The following ENTREP2 variants were observed in gnomAD, a reference collection of about 807,000 sequenced individuals.
ENTREP2 encodes the protein endosomal transmembrane epsin interactor 2.
At chr15:29,467,735 C>G in the ENTREP2 span, among the ~76,000 whole-genome samples, 1 of 152,206 alleles carries the variant, frequency 6.6e-6, no homozygotes, top group African/African-American at 2.4e-5. Context: ...CCAATTAAGA[C>G]CATCTATGGC....
chr15:29,472,963 C>G, the ENTREP2 span, among the ~76,000 whole-genome samples: 1 of 151,982 alleles, frequency 6.6e-6, no homozygotes, highest in African/African-American at 2.4e-5. Context: ...ACTGGCTGGT[C>G]AGTACACTCA....
the ENTREP2 span, among the ~76,000 whole-genome samples, chr15:29,424,574 A>G: frequency 6.6e-6 from 1 of 152,168 alleles, no homozygotes; most frequent in African/African-American, 2.4e-5. Context: ...AAGAGAAGGT[A>G]AAGGCTGTCT....
chr15:29,124,094 C>A, the ENTREP2 span, among the ~76,000 whole-genome samples: 131 of 152,198 alleles, frequency 8.6e-4, no homozygotes, highest in African/African-American at 3.1e-3. Context: ...CCGCCCCCCC[C>A]ATCATGCCAG....
At chr15:29,151,133 T>G in the ENTREP2 span, among the ~76,000 whole-genome samples, 42,527 of 152,130 alleles carry the variant, frequency 0.28, 6,766 homozygotes, top group Non-Finnish European at 0.36. Flanking sequence ...TGTGTATTTA[T>G]AAATGTGTAT....
At chr15:29,551,914 T>C in the ENTREP2 span, among the ~76,000 whole-genome samples, 1 of 152,078 alleles carries the variant, frequency 6.6e-6, no homozygotes, top group Non-Finnish European at 1.5e-5. Flanking sequence ...AGAGAATAAG[T>C]AGCATTTTCC....
chr15:29,124,343 T>A, the ENTREP2 span, among the ~76,000 whole-genome samples: 8 of 152,200 alleles, frequency 5.3e-5, no homozygotes, highest in Admixed American at 2.6e-4. Context: ...AGTTGGAACA[T>A]TCTGGGTCGT....
At chr15:29,269,510 G>A in the ENTREP2 span, 4 of 1,598,714 alleles carry the variant, frequency 2.5e-6, no homozygotes, top group South Asian at 3.3e-5. Flanking sequence ...CGGGCGCCCT[G>A]AGGCGAGGGG....
At chr15:29,607,351 A>G in the ENTREP2 span, among the ~76,000 whole-genome samples, 5 of 138,204 alleles carry the variant, frequency 3.6e-5, no homozygotes, top group Non-Finnish European at 6.2e-5. Context: ...CTCTCGAGGC[A>G]TTACCCTTGT....
chr15:29,128,005 G>T, the ENTREP2 span, among the ~76,000 whole-genome samples: 1 of 152,162 alleles, frequency 6.6e-6, no homozygotes, highest in Non-Finnish European at 1.5e-5. Context: ...TACAACCCCC[G>T]GTGGCCTCAG....
chr15:29,174,706 AC>A, the ENTREP2 span, among the ~76,000 whole-genome samples: 1,106 of 138,000 alleles, frequency 8.0e-3, 37 homozygotes, highest in African/African-American at 0.026. Flanking sequence ...ACAAAACAAA[AC>A]AACAAAAAAA....
the ENTREP2 span, among the ~76,000 whole-genome samples, chr15:29,467,411 T>TG: frequency 6.6e-6 from 1 of 152,280 alleles, no homozygotes; most frequent in South Asian, 2.1e-4. Flanking sequence ...AGGCAGAACA[T>TG]GCCTGTTCCC....
chr15:29,148,093 A>G, the ENTREP2 span, among the ~76,000 whole-genome samples: 1 of 152,208 alleles, frequency 6.6e-6, no homozygotes, highest in South Asian at 2.1e-4. Context: ...AGAACAGGCA[A>G]ATCCATGGAT....
the ENTREP2 span, among the ~76,000 whole-genome samples, chr15:29,169,237 C>A: frequency 6.6e-6 from 1 of 152,038 alleles, no homozygotes; most frequent in African/African-American, 2.4e-5. Flanking sequence ...CAATGTTGAA[C>A]AAAACACCAT....
At chr15:29,497,004 A>T in the ENTREP2 span, among the ~76,000 whole-genome samples, 1 of 152,176 alleles carries the variant, frequency 6.6e-6, no homozygotes, top group Non-Finnish European at 1.5e-5. Context: ...ATGCAACAGT[A>T]TTAGGAAGTA....
At chr15:29,175,402 C>T in the ENTREP2 span, among the ~76,000 whole-genome samples, 42,891 of 152,114 alleles carry the variant, frequency 0.28, 6,545 homozygotes, top group East Asian at 0.63. Context: ...AGTGTCTGAT[C>T]GGATTGAAAA....
chr15:29,608,546 A>ATTATTATTAT, the ENTREP2 span, among the ~76,000 whole-genome samples: 16 of 141,380 alleles, frequency 1.1e-4, no homozygotes, highest in East Asian at 1.0e-3. Context: ...TATTATTATT[A>ATTATTATTAT]TTATTTATTT....
the ENTREP2 span, among the ~76,000 whole-genome samples, chr15:29,441,856 A>T: frequency 5.3e-5 from 8 of 152,116 alleles, no homozygotes; most frequent in Non-Finnish European, 8.8e-5. Flanking sequence ...GCACTTTCAT[A>T]GCTCACCGCC....
At chr15:29,498,877 T>C in the ENTREP2 span, among the ~76,000 whole-genome samples, 1 of 152,218 alleles carries the variant, frequency 6.6e-6, no homozygotes, top group African/African-American at 2.4e-5. Context: ...TCTTAATGAA[T>C]TGATCCCTTT....
At chr15:29,522,564 G>T in the ENTREP2 span, among the ~76,000 whole-genome samples, 2 of 152,092 alleles carry the variant, frequency 1.3e-5, no homozygotes, top group Admixed American at 1.3e-4. Context: ...CTGAATCTCG[G>T]TAAGAACAGG....
Sources: gnomAD v4.1 joint callset for allele counts (sites outside exome capture counted in the v4.1 genomes callset) on GRCh38, gnomAD v4.1.1 for gene constraint, MANE v1.5 for transcripts, NCBI Gene and HGNC (gene_info 2026-07-23, HGNC 2026-07-21) for gene names.